The following PRKG1 variants were observed in gnomAD, a reference collection of about 807,000 sequenced individuals.
PRKG1 encodes the protein protein kinase cGMP-dependent 1.
Under a neutral mutation model 88.1 loss-of-function variants are expected in PRKG1, and 35 were observed. The observed-to-expected ratio is 0.40, with a 90% CI of 0.30 to 0.53. The LOEUF (loss-of-function observed/expected upper bound fraction) is 0.53. PRKG1 is among the 20% of genes least tolerant of loss of function. PRKG1 has a pLI of 0.59. For synonymous variants in PRKG1, 303 were observed against 292.5 expected (o/e 1.04, Z -0.37); for missense variants, 540 against 839.8 (o/e 0.64, Z 4.41).
At chr10:51,411,538 G>T (rs575924911) in intron 2 of PRKG1, among the ~76,000 whole-genome samples, 1 of 152,166 alleles carries the variant, frequency 6.6e-6, no homozygotes, top group Non-Finnish European at 1.5e-5. Context: ...GCAGGGGGAC[G>T]AGGTGGAGAG....
At position 51,447,383 on chromosome 10, in the gene PRKG1, C is replaced by T. The variant is rs555373319; in HGVS notation, c.479-20340C>T. Among the ~76,000 whole-genome samples, 37 of 152,102 alleles carry T rather than the reference C, an allele frequency of 2.4e-4. 1 individual carries two copies. Among genetic ancestry groups the T allele is most frequent in the African/African-American group, 8.2e-4 (34 of 41,536 alleles). On this transcript the variant is annotated intron_variant, in intron 2 of 17. Coordinates refer to ENST00000373980, the MANE Select transcript of PRKG1 (RefSeq NM_006258.4). Reference sequence around the variant, plus strand: ...CTTTGGGCTCTGCACATGAACAATCCCATGAAGAACTATTAGCAAGATTTA... The same window carrying T: ...CTTTGGGCTCTGCACATGAACAATCTCATGAAGAACTATTAGCAAGATTTA...
chr10:51,211,332 A>G (rs560240965), intron 2 of PRKG1, among the ~76,000 whole-genome samples: 1 of 152,342 alleles, frequency 6.6e-6, no homozygotes, highest in Non-Finnish European at 1.5e-5. Flanking sequence ...AGTAAGAGCT[A>G]TCTATGACAA....
chr10:51,702,060 G>A (rs1429678121), intron 3 of PRKG1, among the ~76,000 whole-genome samples: 1 of 152,148 alleles, frequency 6.6e-6, no homozygotes, highest in Non-Finnish European at 1.5e-5. Flanking sequence ...TAAAAGGTTT[G>A]AGGTAAAGGT....
At chr10:52,074,940 T>G (rs1846592879) in intron 7 of PRKG1, among the ~76,000 whole-genome samples, 1 of 152,208 alleles carries the variant, frequency 6.6e-6, no homozygotes, top group Admixed American at 6.5e-5. Context: ...TACAATGAAA[T>G]GGAAATGAGA....
rs189974836 is a variant in PRKG1 at position 52,012,534 on chromosome 10, G to A, written c.763-41950G>A. Among the ~76,000 whole-genome samples the A allele has an allele frequency of 5.8e-4, 88 of 151,808 alleles. 2 individuals carry two copies. The East Asian group carries it at 0.015, about 26-fold the overall frequency. On this transcript the variant is annotated intron_variant, in intron 5 of 17. Coordinates refer to ENST00000373980, the MANE Select transcript of PRKG1 (RefSeq NM_006258.4). Reference sequence around the variant, plus strand: ...TGGGATTACAGGCGTGAGCCACCGCGCCCAGCCGCGCCCAGCTAATTTTTT... The same window carrying A: ...TGGGATTACAGGCGTGAGCCACCGCACCCAGCCGCGCCCAGCTAATTTTTT...
intron 2 of PRKG1, among the ~76,000 whole-genome samples, chr10:51,290,359 C>T (rs916795996): frequency 6.6e-6 from 1 of 152,078 alleles, no homozygotes; most frequent in African/African-American, 2.4e-5. Context: ...GCTCAGATAA[C>T]CAAGGACATG....
intron 3 of PRKG1, among the ~76,000 whole-genome samples, chr10:51,545,993 A>G (rs1842436360): frequency 6.6e-6 from 1 of 150,870 alleles, no homozygotes; most frequent in Non-Finnish European, 1.5e-5. Context: ...AATGAAGGTT[A>G]TGCATATCGC....
At chr10:52,058,336 A>C (rs1183364375) in intron 6 of PRKG1, among the ~76,000 whole-genome samples, 1 of 152,132 alleles carries the variant, frequency 6.6e-6, no homozygotes, top group Non-Finnish European at 1.5e-5. Flanking sequence ...CATATCATTC[A>C]ACATATTGTA....
At chr10:51,156,297 G>GCA (rs755618670) in intron 2 of PRKG1, among the ~76,000 whole-genome samples, 24 of 35,132 alleles carry the variant, frequency 6.8e-4, no homozygotes, top group African/African-American at 4.1e-3. Context: ...TTTGATGCAA[G>GCA]CACACACACA....
intron 5 of PRKG1, among the ~76,000 whole-genome samples, chr10:52,024,311 A>AATT (rs1388586790): frequency 2.3e-3 from 126 of 55,770 alleles, no homozygotes; most frequent in African/African-American, 9.2e-3. Context: ...TTATTTATTT[A>AATT]TTTAACTTTT....
chr10:52,279,001 C>T (rs755534750), intron 12 of PRKG1, among the ~76,000 whole-genome samples: 1 of 151,940 alleles, frequency 6.6e-6, no homozygotes, highest in Non-Finnish European at 1.5e-5. Context: ...CAATGCTCTC[C>T]ATTGAGAAGG....
Position 51,305,622 on chromosome 10 carries a change from G to A in PRKG1, c.478+152292G>A, listed in dbSNP as rs1564439062. Reference sequence around the variant, plus strand: ...ATGAACAGAATGTTCTATACCTTGAGTGGTCCATGCACTCAGGAGAATGTG... The same window carrying A: ...ATGAACAGAATGTTCTATACCTTGAATGGTCCATGCACTCAGGAGAATGTG... On this transcript the variant is annotated intron_variant, in intron 2 of 17. Transcript: ENST00000373980. Among the ~76,000 whole-genome samples the A allele has an allele frequency of 1.3e-5, 2 of 152,154 alleles. 1 individual carries two copies. Among genetic ancestry groups the A allele is most frequent in the East Asian group, 3.8e-4 (2 of 5,200 alleles).
intron 7 of PRKG1, among the ~76,000 whole-genome samples, chr10:52,116,662 G>A (rs929361261): frequency 2.6e-5 from 4 of 152,044 alleles, no homozygotes; most frequent in Admixed American, 6.6e-5. Flanking sequence ...AACAGTAAAC[G>A]GGAGTGAACA....
At chr10:51,983,675 ACT>A (rs1339631698) in intron 5 of PRKG1, among the ~76,000 whole-genome samples, 46 of 151,946 alleles carry the variant, frequency 3.0e-4, no homozygotes, top group Admixed American at 7.9e-4. Context: ...CACACCAAAC[ACT>A]CTGGGCTCTG....
At chr10:51,461,852 T>G (rs765120104) in intron 2 of PRKG1, among the ~76,000 whole-genome samples, 20 of 152,218 alleles carry the variant, frequency 1.3e-4, no homozygotes, top group Non-Finnish European at 2.2e-4. Flanking sequence ...CCCCGTAGGT[T>G]GCCCCATGGC....
At chr10:52,064,986 A>C (rs1225859761) in intron 7 of PRKG1, among the ~76,000 whole-genome samples, 1 of 152,182 alleles carries the variant, frequency 6.6e-6, no homozygotes, top group Non-Finnish European at 1.5e-5. Context: ...ATCTGGATTC[A>C]CTATGGGATA....
At chr10:51,571,732 T>C (rs552128077) in intron 3 of PRKG1, among the ~76,000 whole-genome samples, 2 of 152,042 alleles carry the variant, frequency 1.3e-5, no homozygotes, top group African/African-American at 4.8e-5. Context: ...ATAGATGAGA[T>C]AACAAAGATT....
chr10:51,514,270 A>G (rs1004005213), intron 3 of PRKG1, among the ~76,000 whole-genome samples: 3 of 152,158 alleles, frequency 2.0e-5, no homozygotes, highest in African/African-American at 4.8e-5. Flanking sequence ...ATTCCTCGAC[A>G]CATACACTCT....
intron 2 of PRKG1, among the ~76,000 whole-genome samples, chr10:51,426,869 G>A (rs990835669): frequency 1.3e-5 from 2 of 152,196 alleles, no homozygotes; most frequent in African/African-American, 4.8e-5. Flanking sequence ...GGGGAGTAAA[G>A]AGGGCAAGCA....
Sources: gnomAD v4.1 joint callset for allele counts (sites outside exome capture counted in the v4.1 genomes callset) on GRCh38, gnomAD v4.1.1 for gene constraint, MANE v1.5 for transcripts, NCBI Gene and HGNC (gene_info 2026-07-23, HGNC 2026-07-21) for gene names.